Variants in PARN observed in about 807,000 individuals in gnomAD.
PARN encodes poly(A)-specific ribonuclease, also known as poly(A)-specific ribonuclease PARN.
PARN carries 71 observed loss-of-function variants against 102.8 expected under a neutral mutation model. The observed-to-expected ratio is 0.69, with a 90% CI of 0.57 to 0.84. PARN has a LOEUF of 0.84. PARN is among the 40% of genes least tolerant of loss of function. The pLI is 0.00. For synonymous variants in PARN, 261 were observed against 252.9 expected, an observed-to-expected ratio of 1.03 and a Z score of -0.30; for missense variants, 782 against 760.9, an observed-to-expected ratio of 1.03 and a Z score of -0.33.
At chr16:14,595,414 T>C (rs1484261748) in intron 12 of PARN, among the ~76,000 whole-genome samples, 1 of 151,910 alleles carries the variant, frequency 6.6e-6, no homozygotes, top group Non-Finnish European at 1.5e-5. Flanking sequence ...GCCCAGGCTG[T>C]AGTGCAATGG....
intron 21 of PARN, among the ~76,000 whole-genome samples, chr16:14,484,605 T>C (rs892648416): frequency 6.6e-6 from 1 of 152,206 alleles, no homozygotes; most frequent in African/African-American, 2.4e-5. Flanking sequence ...GCATGCAGGC[T>C]GTGGGCACGT....
At chr16:14,522,267 G>C (rs1406757399) in intron 21 of PARN, among the ~76,000 whole-genome samples, 12 of 152,230 alleles carry the variant, frequency 7.9e-5, no homozygotes, top group Admixed American at 7.9e-4. Flanking sequence ...TTGGGGTGCA[G>C]GTGAGGAGGT....
intron 21 of PARN, among the ~76,000 whole-genome samples, chr16:14,530,803 A>G (rs1429958610): frequency 6.6e-6 from 1 of 152,154 alleles, no homozygotes; most frequent in African/African-American, 2.4e-5. Context: ...AGCCCTCTCC[A>G]GCTCTGTGCC....
intron 21 of PARN, among the ~76,000 whole-genome samples, chr16:14,530,391 C>T (rs1023257289): frequency 1.3e-5 from 2 of 152,122 alleles, no homozygotes; most frequent in African/African-American, 4.8e-5. Flanking sequence ...AAGAGTAATT[C>T]TTCTTTAAAT....
At chr16:14,503,118 G>T (rs1472896681) in intron 21 of PARN, among the ~76,000 whole-genome samples, 1 of 152,056 alleles carries the variant, frequency 6.6e-6, no homozygotes, top group Non-Finnish European at 1.5e-5. Context: ...CTTTGGTGTT[G>T]TTTGAGAAGA....
intron 7 of PARN, among the ~76,000 whole-genome samples, chr16:14,609,334 G>GT (rs1971378048): frequency 6.6e-6 from 1 of 152,160 alleles, no homozygotes; most frequent in South Asian, 2.1e-4. Flanking sequence ...GGAGGTCGAC[G>GT]TTGGGTGGAT....
chr16:14,621,588 G>A (rs772523041), intron 5 of PARN, among the ~76,000 whole-genome samples: 9 of 152,124 alleles, frequency 5.9e-5, no homozygotes, highest in Non-Finnish European at 1.2e-4. Context: ...GAGGCAGGCA[G>A]ATCACGAGGT....
chr16:14,506,099 C>T (rs1025288052), intron 21 of PARN, among the ~76,000 whole-genome samples: 1 of 152,178 alleles, frequency 6.6e-6, no homozygotes, highest in African/African-American at 2.4e-5. Flanking sequence ...CTGAAAAGAG[C>T]ACATCAACTA....
intron 23 of PARN, among the ~76,000 whole-genome samples, chr16:14,438,901 T>C (rs1960828280): frequency 6.6e-6 from 1 of 152,178 alleles, no homozygotes; most frequent in Non-Finnish European, 1.5e-5. Flanking sequence ...AACAGCGTTC[T>C]TTCCAGCACC....
intron 7 of PARN, among the ~76,000 whole-genome samples, chr16:14,609,886 C>T (rs1469859457): frequency 6.6e-6 from 1 of 152,132 alleles, no homozygotes; most frequent in Non-Finnish European, 1.5e-5. Flanking sequence ...TCAGTCCATG[C>T]AAGTTTTAGA....
intron 23 of PARN, among the ~76,000 whole-genome samples, chr16:14,437,046 A>T (rs1438474843): frequency 6.6e-6 from 1 of 152,198 alleles, no homozygotes; most frequent in Non-Finnish European, 1.5e-5. Flanking sequence ...ACAGGAGTTA[A>T]ACTGTAGCCA....
chr16:14,578,815 T>G (rs1342722585), intron 18 of PARN, among the ~76,000 whole-genome samples: 2 of 152,212 alleles, frequency 1.3e-5, no homozygotes, highest in Non-Finnish European at 2.9e-5. Flanking sequence ...TCCCACCTCC[T>G]ATTCAACTAC....
At chr16:14,545,497 T>C (rs1044608146) in intron 21 of PARN, among the ~76,000 whole-genome samples, 1 of 152,034 alleles carries the variant, frequency 6.6e-6, no homozygotes, top group African/African-American at 2.4e-5. Flanking sequence ...TACGTATAAA[T>C]AAACAGTTAA....
intron 2 of PARN, among the ~76,000 whole-genome samples, chr16:14,628,620 T>C (rs1217295342): frequency 1.3e-5 from 2 of 152,208 alleles, no homozygotes; most frequent in African/African-American, 4.8e-5. Context: ...AGTTCCAGTC[T>C]TGGTCAAGAG....
chr16:14,498,688 G>C (rs1964440028), intron 21 of PARN, among the ~76,000 whole-genome samples: 2 of 152,262 alleles, frequency 1.3e-5, no homozygotes, highest in African/African-American at 2.4e-5. Context: ...TGTGGAGAGA[G>C]AACAGTTTAT....
intron 18 of PARN, among the ~76,000 whole-genome samples, chr16:14,570,297 A>C (rs1466586120): frequency 8.2e-6 from 1 of 121,378 alleles, no homozygotes; most frequent in African/African-American, 3.1e-5. Flanking sequence ...GCTCCAGCCT[A>C]GGTGGCAGAG....
chr16:14,558,177 A>T (rs1177691251), intron 18 of PARN, among the ~76,000 whole-genome samples: 2 of 152,250 alleles, frequency 1.3e-5, no homozygotes, highest in Admixed American at 6.5e-5. Flanking sequence ...TCACGCCTGT[A>T]ATCCCAGCAC....
chr16:14,553,837 G>C (rs181188955), intron 20 of PARN, among the ~76,000 whole-genome samples: 1 of 152,274 alleles, frequency 6.6e-6, no homozygotes, highest in Non-Finnish European at 1.5e-5. Flanking sequence ...ACGGTGTTTT[G>C]CTTTCCATGA....
intron 21 of PARN, among the ~76,000 whole-genome samples, chr16:14,500,768 A>G (rs1964545353): frequency 6.6e-6 from 1 of 152,214 alleles, no homozygotes; most frequent in Non-Finnish European, 1.5e-5. Context: ...ACCTGAAAGC[A>G]GCTTTCATGG....
Sources: gnomAD v4.1 joint callset for allele counts (sites outside exome capture counted in the v4.1 genomes callset) on GRCh38, gnomAD v4.1.1 for gene constraint, MANE v1.5 for transcripts, NCBI Gene and HGNC (gene_info 2026-07-23, HGNC 2026-07-21) for gene names.